The following WIPI1 variants were observed in gnomAD, a reference collection of about 807,000 sequenced individuals.
WIPI1 encodes WD repeat domain phosphoinositide-interacting protein 1.
A neutral mutation model predicts 55.3 loss-of-function variants in WIPI1; 45 were observed. The ratio of observed to expected loss-of-function variants is 0.81; its 90% confidence interval spans 0.64 to 1.04. The LOEUF is 1.04. Among genes scored for constraint, WIPI1 ranks in the 50% least tolerant of loss-of-function variants. The probability of loss-of-function intolerance (pLI) is 0.00; values close to 1 mark genes in which losing one functional copy is unlikely to be tolerated. For synonymous variants in WIPI1, 195 were observed against 217.6 expected (o/e 0.90, Z 0.92); for missense variants, 445 against 559.0 (o/e 0.80, Z 2.06).
At chr17:68,446,205 G>A (rs1348107893) in intron 3 of WIPI1, among the ~76,000 whole-genome samples, 1 of 151,574 alleles carries the variant, frequency 6.6e-6, no homozygotes, top group East Asian at 1.9e-4. Context: ...TTTTCAGACA[G>A]GGTCTCGTTC....
chr17:68,441,480 T>C (rs1322901564), intron 4 of WIPI1, among the ~76,000 whole-genome samples: 1 of 152,244 alleles, frequency 6.6e-6, no homozygotes, highest in African/African-American at 2.4e-5. Flanking sequence ...AGTTTCCATC[T>C]TATTTCTTTG....
chr17:68,433,367 A>G, intron 8 of WIPI1, 101 bp downstream of exon 8: 1 of 1,112,634 alleles, frequency 9.0e-7, no homozygotes, highest in Non-Finnish European at 1.3e-6. Flanking sequence ...TGAAGCCAAG[A>G]TTGGGTGTTC....
chr17:68,428,591 G>A (rs2083359520), intron 10 of WIPI1: 2 of 449,066 alleles, frequency 4.5e-6, no homozygotes, highest in South Asian at 2.2e-5. Context: ...AGCATAGGCT[G>A]AGGGGGAGAC....
chr17:68,422,078 T>C (rs989563571), intron 12 of WIPI1: 7 of 464,698 alleles, frequency 1.5e-5, no homozygotes, highest in African/African-American at 3.9e-5. Flanking sequence ...TGTATATGTA[T>C]ATATTTTTAA....
intron 12 of WIPI1, 31 bp from the exon 13 acceptor site, chr17:68,421,851 C>G: frequency 1.2e-6 from 2 of 1,614,072 alleles, no homozygotes; most frequent in Non-Finnish European, 1.7e-6. Flanking sequence ...TGGCCTTACT[C>G]TTCTCAGGAA....
chr17:68,435,324 T>C (rs2083731618), intron 6 of WIPI1, among the ~76,000 whole-genome samples: 1 of 152,188 alleles, frequency 6.6e-6, no homozygotes, highest in Non-Finnish European at 1.5e-5. Context: ...GTTTATAAGG[T>C]GTAGCATTTG....
chr17:68,428,957 A>C (rs748723115), intron 9 of WIPI1, 21 bp from the exon 10 acceptor site: 18 of 1,589,960 alleles, frequency 1.1e-5, no homozygotes, highest in Non-Finnish European at 1.6e-5. Context: ...AGGAAAACAT[A>C]AACCGTGATG....
chr17:68,451,200 G>A (rs1313619646), intron 2 of WIPI1, among the ~76,000 whole-genome samples: 3 of 152,244 alleles, frequency 2.0e-5, no homozygotes, highest in Admixed American at 2.0e-4. Context: ...GGAGGCTGAG[G>A]CAGGAGAATC....
intron 4 of WIPI1, 26 bp downstream of exon 4, chr17:68,444,467 A>G (rs375761462): frequency 3.8e-6 from 6 of 1,593,896 alleles, no homozygotes; most frequent in Non-Finnish European, 2.6e-6. Context: ...AATTTCAGGG[A>G]CATTTGTTCC....
intron 1 of WIPI1, among the ~76,000 whole-genome samples, chr17:68,454,726 G>T (rs77545387): frequency 6.6e-6 from 1 of 152,198 alleles, no homozygotes; most frequent in African/African-American, 2.4e-5. Context: ...AAATATAGAT[G>T]TGTTTGGCTG....
chr17:68,432,705 G>C (rs181304810), intron 8 of WIPI1, among the ~76,000 whole-genome samples: 9 of 152,288 alleles, frequency 5.9e-5, no homozygotes, highest in African/African-American at 2.2e-4. Flanking sequence ...AAGGGTACCA[G>C]CAACCAACTC....
chr17:68,437,948 T>TAAAAAAAA (rs199649033), intron 4 of WIPI1, among the ~76,000 whole-genome samples: 21 of 78,800 alleles, frequency 2.7e-4, no homozygotes, highest in Admixed American at 8.9e-4. Flanking sequence ...ACATCTCTCT[T>TAAAAAAAA]AAAAAAAAAA....
chr17:68,435,160 T>C (rs28610972), intron 6 of WIPI1, among the ~76,000 whole-genome samples: 2 of 151,456 alleles, frequency 1.3e-5, no homozygotes, highest in African/African-American at 4.9e-5. Context: ...TGAGCCGAGA[T>C]TGCGCCATTG....
chr17:68,437,956 A>AAAAAAAAAAAAC (rs2083897402), intron 4 of WIPI1, among the ~76,000 whole-genome samples: 1 of 75,712 alleles, frequency 1.3e-5, no homozygotes, highest in Non-Finnish European at 2.8e-5. Flanking sequence ...CTTAAAAAAA[A>AAAAAAAAAAAAC]AAAAAAAAAA....
chr17:68,434,638 A>T lies in WIPI1; in HGVS notation c.622-12T>A. ...CGGATGACTGTGCCCTGGAAAAGAA[A>T]GCAGGTGGACATTTCATAACCATTA... On this transcript the variant is annotated splice_polypyrimidine_tract_variant and intron_variant, in intron 6 of 12. Coordinates refer to ENST00000262139, the MANE Select transcript of WIPI1 (RefSeq NM_017983.7). 1 of 1,613,914 alleles carries T rather than the reference A, an allele frequency of 6.2e-7. No individual in the cohort carries two copies. Among genetic ancestry groups the T allele is most frequent in the African/African-American group, 1.3e-5 (1 of 75,046 alleles).
In WIPI1 at chr17:68,450,820, G is replaced by T; in HGVS notation, c.241C>A (p.Arg81=). ...LVVVVSHTKP[R]QMNVYHFKKG... Reference sequence around the variant, plus strand: ...TTGAAGTGATACACGTTCATCTGCCGTGGTTTTGTGTGACTGACTACCACC... The same window carrying T: ...TTGAAGTGATACACGTTCATCTGCCTTGGTTTTGTGTGACTGACTACCACC... Residue 81 remains arginine (R), a synonymous_variant, in exon 3 of 13, where the codon CGG becomes AGG. Coordinates refer to ENST00000262139, the MANE Select transcript of WIPI1 (RefSeq NM_017983.7). 6.2e-7 allele frequency: 1 copy of T among 1,614,150 alleles called. No homozygotes were observed. The highest frequency in any genetic ancestry group is 8.5e-7 in the Non-Finnish European group (1 of 1,180,012).
At position 68,428,870 on chromosome 17, in the gene WIPI1, A is replaced by C; in HGVS notation, c.1032T>G (p.Asp344Glu). 1 of 1,614,158 alleles carries C rather than the reference A, an allele frequency of 6.2e-7. No individual in the cohort carries two copies. Residue 344 changes from aspartate to glutamate, a missense_variant, in exon 10 of 13, where the codon GAT (aspartate) becomes GAG (glutamate). Coordinates refer to ENST00000262139, the MANE Select transcript of WIPI1 (RefSeq NM_017983.7). Reference protein sequence around the residue: ...SSGHLYMYNLDPQDGGECVLI... With the variant: ...SSGHLYMYNLEPQDGGECVLI... Reference sequence around the variant, plus strand: ...AGACACACTCTCCTCCATCCTGAGGATCCAAATTGTACATATAAAGGTGTC... The same window carrying C: ...AGACACACTCTCCTCCATCCTGAGGCTCCAAATTGTACATATAAAGGTGTC...
At chr17:68,439,185 T>A (rs1261083561) in intron 4 of WIPI1, among the ~76,000 whole-genome samples, 2 of 152,200 alleles carry the variant, frequency 1.3e-5, no homozygotes, top group Admixed American at 1.3e-4. Flanking sequence ...TGTATATGAA[T>A]GTTCATGGCA....
intron 9 of WIPI1, among the ~76,000 whole-genome samples, chr17:68,429,767 T>C (rs1369657247): frequency 1.3e-5 from 2 of 152,160 alleles, no homozygotes; most frequent in Non-Finnish European, 2.9e-5. Context: ...TTTTGTATTT[T>C]TAGTAGAGAC....
Sources: gnomAD v4.1 joint callset for allele counts (sites outside exome capture counted in the v4.1 genomes callset) on GRCh38, gnomAD v4.1.1 for gene constraint, MANE v1.5 for transcripts, NCBI Gene and HGNC (gene_info 2026-07-23, HGNC 2026-07-21) for gene names.